FHIT: variants seen among roughly 807,000 people sequenced by gnomAD.
FHIT encodes bis(5'-adenosyl)-triphosphatase.
In FHIT, 19 loss-of-function variants were observed where a neutral mutation model predicts 17.9. The ratio of observed to expected loss-of-function variants is 1.06; its 90% CI spans 0.74 to 1.56. The LOEUF (loss-of-function observed/expected upper bound fraction) is 1.56. Among genes scored for constraint, FHIT ranks in the 40% most tolerant of loss-of-function variants. The pLI is 0.00. For synonymous variants in FHIT, 81 were observed against 69.7 expected (o/e 1.16, Z -0.81); for missense variants, 248 against 189.2 (o/e 1.31, Z -1.82).
At chr3:60,558,142 AG>A (rs1306465163) in intron 4 of FHIT, among the ~76,000 whole-genome samples, 1 of 151,978 alleles carries the variant, frequency 6.6e-6, no homozygotes, top group African/African-American at 2.4e-5. Context: ...TGTATCGCAA[AG>A]CCTGTTAGAA....
chr3:60,929,402 G>A (rs1707829415), intron 3 of FHIT, among the ~76,000 whole-genome samples: 1 of 152,162 alleles, frequency 6.6e-6, no homozygotes, highest in African/African-American at 2.4e-5. Context: ...CATTCAATTA[G>A]GAAAAGAGGA....
intron 3 of FHIT, among the ~76,000 whole-genome samples, chr3:61,028,584 CACTA>C (rs2032854620): frequency 6.6e-6 from 1 of 152,210 alleles, no homozygotes; most frequent in African/African-American, 2.4e-5. Context: ...CAGACTCTTT[CACTA>C]ACTGTGTGAA....
intron 5 of FHIT, among the ~76,000 whole-genome samples, chr3:60,390,396 T>TGAAAAAAAAAAAAAAAAAAAAA (rs1701174274): frequency 3.1e-5 from 1 of 32,030 alleles, no homozygotes; most frequent in African/African-American, 1.2e-4. Flanking sequence ...GTAATGGAGC[T>TGAAAAAAAAAAAAAAAAAAAAA]AAAAAAAAAA....
intron 7 of FHIT, among the ~76,000 whole-genome samples, chr3:59,976,270 C>T (rs77236608): frequency 0.011 from 1,720 of 152,026 alleles, 34 homozygotes; most frequent in African/African-American, 0.039. Context: ...TCTTCCCTGC[C>T]CTGACTCCCC....
At chr3:59,833,419 C>T (rs554341868) in intron 8 of FHIT, among the ~76,000 whole-genome samples, 3 of 152,148 alleles carry the variant, frequency 2.0e-5, no homozygotes, top group East Asian at 1.9e-4. Context: ...CAGCTACAAG[C>T]CAAGGAACAT....
At chr3:61,021,012 G>A (rs570122393) in intron 3 of FHIT, among the ~76,000 whole-genome samples, 53 of 152,228 alleles carry the variant, frequency 3.5e-4, no homozygotes, top group African/African-American at 1.2e-3. Flanking sequence ...ACCCAATACA[G>A]GAGAATCCAG....
At chr3:59,954,078 A>G (rs1015386232) in intron 7 of FHIT, among the ~76,000 whole-genome samples, 26 of 152,180 alleles carry the variant, frequency 1.7e-4, no homozygotes, top group Non-Finnish European at 8.8e-5. Flanking sequence ...TAACTTGAAG[A>G]GTGCAAAGGA....
intron 4 of FHIT, among the ~76,000 whole-genome samples, chr3:60,781,144 T>C (rs546704101): frequency 6.6e-6 from 1 of 152,314 alleles, no homozygotes; most frequent in Non-Finnish European, 1.5e-5. Context: ...CCAAAGCACA[T>C]AAGTGGAGAA....
intron 8 of FHIT, among the ~76,000 whole-genome samples, chr3:59,834,732 C>T (rs987527465): frequency 6.6e-6 from 1 of 152,154 alleles, no homozygotes; most frequent in Non-Finnish European, 1.5e-5. Flanking sequence ...CCTTCAAACA[C>T]CATCACAATG....
intron 1 of FHIT, among the ~76,000 whole-genome samples, chr3:61,209,486 T>C (rs1208661018): frequency 1.3e-5 from 2 of 151,904 alleles, no homozygotes; most frequent in African/African-American, 4.8e-5. Flanking sequence ...TTTCACATAG[T>C]CCCATATTTC....
intron 5 of FHIT, among the ~76,000 whole-genome samples, chr3:60,161,649 G>A (rs148350232): frequency 3.9e-5 from 6 of 152,078 alleles, no homozygotes; most frequent in African/African-American, 1.2e-4. Flanking sequence ...AGAGTGTTTC[G>A]AGGTAGGTAA....
chr3:61,073,957 G>A (rs975106441), intron 2 of FHIT, among the ~76,000 whole-genome samples: 6 of 152,152 alleles, frequency 3.9e-5, no homozygotes, highest in Non-Finnish European at 8.8e-5. Context: ...CAAAGCAGCG[G>A]TTTATTCTTG....
chr3:60,406,420 C>T (rs1432312340), intron 5 of FHIT, among the ~76,000 whole-genome samples: 1 of 152,178 alleles, frequency 6.6e-6, no homozygotes, highest in Non-Finnish European at 1.5e-5. Flanking sequence ...AAACCTATTA[C>T]TGCTAGCCTG....
chr3:60,861,760 A>G (rs1320861689), intron 3 of FHIT, among the ~76,000 whole-genome samples: 1 of 152,114 alleles, frequency 6.6e-6, no homozygotes, highest in Non-Finnish European at 1.5e-5. Flanking sequence ...ACTCAAAGTT[A>G]TAGGAGACCA....
At chr3:60,416,628 C>T (rs1702257004) in intron 5 of FHIT, among the ~76,000 whole-genome samples, 1 of 151,948 alleles carries the variant, frequency 6.6e-6, no homozygotes, top group African/African-American at 2.4e-5. Context: ...TTTTTTTCAA[C>T]CACTTAAAAA....
rs375095357 is a variant in FHIT, at chr3:60,660,949, C to T, written c.-17-123970G>A. 3.7e-3 allele frequency among the ~76,000 whole-genome samples: 557 copies of T among 151,804 alleles called. 2 individuals are homozygous for T. Among genetic ancestry groups the T allele is most frequent in the Non-Finnish European group, 5.9e-3 (398 of 67,902 alleles). On this transcript the variant is annotated intron_variant, in intron 4 of 9. Transcript: ENST00000492590. ...TTTTCATTCCTTGTAGTTGGGCTTT[C>T]ACAAAGCAAAAGTTTTAATGTTGAT...
chr3:60,491,190 A>G (rs2034048862), intron 5 of FHIT, among the ~76,000 whole-genome samples: 1 of 152,218 alleles, frequency 6.6e-6, no homozygotes, highest in South Asian at 2.1e-4. Context: ...TTATTAAGCA[A>G]TAGCAAACAA....
chr3:60,758,805 G>C (rs1284135000), intron 4 of FHIT, among the ~76,000 whole-genome samples: 1 of 152,138 alleles, frequency 6.6e-6, no homozygotes, highest in African/African-American at 2.4e-5. Context: ...CATTCTGGGG[G>C]AGAATCAGAA....
intron 4 of FHIT, among the ~76,000 whole-genome samples, chr3:60,560,407 A>G (rs1418848517): frequency 6.6e-6 from 1 of 152,100 alleles, no homozygotes; most frequent in Non-Finnish European, 1.5e-5. Context: ...CCTCCCAAGC[A>G]GACCTAAGCA....
Sources: gnomAD v4.1 joint callset for allele counts (sites outside exome capture counted in the v4.1 genomes callset) on GRCh38, gnomAD v4.1.1 for gene constraint, MANE v1.5 for transcripts, NCBI Gene and HGNC (gene_info 2026-07-23, HGNC 2026-07-21) for gene names.